GJB7: variants seen among roughly 807,000 people sequenced by gnomAD.
GJB7 encodes gap junction beta-7 protein.
For synonymous variants in GJB7, 87 were observed against 95.2 expected (o/e 0.91, Z 0.50); for missense variants, 253 against 256.8 (o/e 0.99, Z 0.10).
In GJB7 at chr6:87,302,769, A is replaced by G. The variant is rs1481442822; in HGVS notation, c.-27-17830T>C. ...AAATGAAGGAAAAAATGTTAAGGGC[A>G]GCCAGAGAGAAAGGTTGGGTTACCT... is the stretch of plus-strand genomic sequence containing the variant. On this transcript the variant is annotated intron_variant, in intron 2 of 2. Transcript: ENST00000525899. 2.0e-5 allele frequency among the ~76,000 whole-genome samples: 3 copies of G among 152,336 alleles called. No homozygotes were observed. In the East Asian group the frequency reaches 5.8e-4, roughly 29 times the overall value.
intron 2 of GJB7, among the ~76,000 whole-genome samples, chr6:87,306,947 T>A (rs1483127005): frequency 1.3e-5 from 2 of 152,088 alleles, no homozygotes; most frequent in Non-Finnish European, 2.9e-5. Flanking sequence ...CGCTGCATAT[T>A]CTCACTCATA....
chr6:87,311,718 T>G (rs1032523797), intron 2 of GJB7, among the ~76,000 whole-genome samples: 7 of 152,208 alleles, frequency 4.6e-5, no homozygotes, highest in African/African-American at 1.7e-4. Flanking sequence ...GCAAACTGAT[T>G]GTATAAATTG....
At chr6:87,286,853 C>T (rs1247334968) in intron 2 of GJB7, among the ~76,000 whole-genome samples, 1 of 152,210 alleles carries the variant, frequency 6.6e-6, no homozygotes, top group Non-Finnish European at 1.5e-5. Flanking sequence ...GAAATGAAGA[C>T]ACTTTCTCAA....
At chr6:87,323,393 T>C (rs1204612514) in intron 1 of GJB7, among the ~76,000 whole-genome samples, 3 of 151,776 alleles carry the variant, frequency 2.0e-5, no homozygotes, top group African/African-American at 7.3e-5. Context: ...CATCTAACAT[T>C]AGGTATATCT....
At chr6:87,294,304 C>T (rs1582556317) in intron 2 of GJB7, among the ~76,000 whole-genome samples, 1 of 152,198 alleles carries the variant, frequency 6.6e-6, no homozygotes, top group African/African-American at 2.4e-5. Flanking sequence ...CAGACAAAGG[C>T]AGTGTAAGCC....
chr6:87,300,530 A>C (rs1776305499), intron 2 of GJB7: 1 of 176,888 alleles, frequency 5.7e-6, no homozygotes, highest in South Asian at 1.4e-4. Flanking sequence ...CAGAGAAGTC[A>C]GTTGGAGAAA....
chr6:87,292,112 GA>G (rs1776183792), intron 2 of GJB7: 1 of 152,228 alleles, frequency 6.6e-6, no homozygotes, highest in South Asian at 2.1e-4. Flanking sequence ...ACATAACTTA[GA>G]TGAGAATTCC....
chr6:87,314,926 A>G (rs1436416175), intron 2 of GJB7, among the ~76,000 whole-genome samples: 2 of 152,190 alleles, frequency 1.3e-5, no homozygotes, highest in Admixed American at 6.5e-5. Flanking sequence ...AATAAATCAT[A>G]TGATGTCAGG....
At chr6:87,320,323 A>T (rs1776637831) in intron 2 of GJB7, among the ~76,000 whole-genome samples, 1 of 152,224 alleles carries the variant, frequency 6.6e-6, no homozygotes, top group South Asian at 2.1e-4. Flanking sequence ...TAAAAATTAA[A>T]CCTCAAATCA....
chr6:87,328,404 T>G (rs1202502083), intron 1 of GJB7, among the ~76,000 whole-genome samples: 2 of 152,080 alleles, frequency 1.3e-5, no homozygotes, highest in Non-Finnish European at 2.9e-5. Context: ...TTGTCTTTGT[T>G]GATGGTGATG....
chr6:87,320,115 C>T (rs545346311), intron 2 of GJB7, among the ~76,000 whole-genome samples: 23 of 151,886 alleles, frequency 1.5e-4, no homozygotes, highest in Admixed American at 7.9e-4. Flanking sequence ...TAGCACAACA[C>T]GGTGACTACA....
rs16878996 is a variant in GJB7, at chr6:87,318,968, A to C, written c.-28+3898T>G. On this transcript the variant is annotated intron_variant, in intron 2 of 2. Coordinates refer to ENST00000525899, the MANE Select transcript of GJB7 (RefSeq NM_198568.3). The stretch of plus-strand genomic sequence containing the variant: ...ATTGTCAACCAACTATTCTTGCCTG[A>C]ATTTTAAAAAGCGCTAGTGGCATCA... Among the ~76,000 whole-genome samples, 725 of 152,348 alleles carry C rather than the reference A, an allele frequency of 4.8e-3. 8 individuals carry two copies. The highest frequency in any genetic ancestry group is 0.016 in the African/African-American group (682 of 41,584).
At chr6:87,327,329 C>T (rs1278343372) in intron 1 of GJB7, among the ~76,000 whole-genome samples, 3 of 151,734 alleles carry the variant, frequency 2.0e-5, no homozygotes, top group Non-Finnish European at 4.4e-5. Context: ...CGTTATTTTG[C>T]TCGTTAGTTG....
At chr6:87,291,668 G>T (rs137928014) in intron 2 of GJB7, among the ~76,000 whole-genome samples, 1 of 152,118 alleles carries the variant, frequency 6.6e-6, no homozygotes, top group Non-Finnish European at 1.5e-5. Flanking sequence ...ACCTTACTTC[G>T]TGGCAGCTTA....
rs76701876 is a variant in GJB7 at position 87,286,329 on chromosome 6, G to C, written c.-27-1390C>G. On this transcript the variant is annotated intron_variant, in intron 2 of 2. Transcript: ENST00000525899. ...ATCACCAACACCCAAGCGCCTGTCA[G>C]AAATCTCATATTCATCCTAGACTCC... Among the ~76,000 whole-genome samples, 996 of 152,252 alleles carry C rather than the reference G, an allele frequency of 6.5e-3. 16 individuals carry two copies. The highest frequency in any genetic ancestry group is 0.023 in the African/African-American group (957 of 41,554).
chr6:87,284,758 T>C lies in GJB7; in HGVS notation c.155A>G (p.Glu52Gly). The C allele has an allele frequency of 6.2e-7, 1 of 1,614,146 alleles. No homozygotes were observed. Among genetic ancestry groups the C allele is most frequent in the South Asian group, 1.1e-5 (1 of 91,088 alleles). The change falls in exon 3 of 3, where the codon GAG becomes GGG. Residue 52 changes from glutamate to glycine, a missense_variant. Coordinates refer to ENST00000525899, the MANE Select transcript of GJB7 (RefSeq NM_198568.3). ...HVWKDEQKEF[E>G]CNSRQPGCKN... The stretch of plus-strand genomic sequence containing the variant: ...GCAACCGGGCTGTCTACTGTTGCAC[T>C]CAAACTCTTTCTGCTCATCTTTCCA...
At chr6:87,306,270 C>G (rs1366244612) in intron 2 of GJB7, among the ~76,000 whole-genome samples, 3 of 152,144 alleles carry the variant, frequency 2.0e-5, no homozygotes, top group African/African-American at 7.2e-5. Context: ...ATTTCCACAA[C>G]CTACTCATCT....
intron 2 of GJB7, among the ~76,000 whole-genome samples, chr6:87,307,437 C>T (rs1776449506): frequency 6.6e-6 from 1 of 152,088 alleles, no homozygotes; most frequent in African/African-American, 2.4e-5. Flanking sequence ...AGTGAACAGG[C>T]AACCTACAGA....
At chr6:87,304,546 C>CA (rs1776390116) in intron 2 of GJB7, among the ~76,000 whole-genome samples, 1 of 151,900 alleles carries the variant, frequency 6.6e-6, no homozygotes, top group South Asian at 2.1e-4. Context: ...GACTACCAAC[C>CA]AAAAAAAGTC....
Sources: gnomAD v4.1 joint callset for allele counts (sites outside exome capture counted in the v4.1 genomes callset) on GRCh38, gnomAD v4.1.1 for gene constraint, MANE v1.5 for transcripts, NCBI Gene and HGNC (gene_info 2026-07-23, HGNC 2026-07-21) for gene names.